The following SLC10A7 variants were observed in gnomAD, a reference collection of about 807,000 sequenced individuals.
The protein encoded by SLC10A7 is sodium/bile acid cotransporter 7.
In SLC10A7, 29 loss-of-function variants were observed where a neutral mutation model predicts 43.2. The ratio of observed to expected loss-of-function variants is 0.67; its 90% CI spans 0.50 to 0.92. The LOEUF (loss-of-function observed/expected upper bound fraction) is 0.92, where lower values mean the gene tolerates loss of function less well. SLC10A7 is among the 40% of genes least tolerant of loss of function. The pLI, the probability that SLC10A7 is intolerant of heterozygous loss-of-function variation, is 0.00. For synonymous variants in SLC10A7, 152 were observed against 144.8 expected (o/e 1.05, Z -0.35); for missense variants, 295 against 403.2 (o/e 0.73, Z 2.30).
At chr4:146,297,818 CAAT>C (rs1183814170) in intron 7 of SLC10A7, among the ~76,000 whole-genome samples, 1 of 152,076 alleles carries the variant, frequency 6.6e-6, no homozygotes, top group Non-Finnish European at 1.5e-5. Flanking sequence ...AAAACATAAA[CAAT>C]AATAATAAAT....
chr4:146,285,373 G>T lies in SLC10A7; in HGVS notation c.774-2108C>A, dbSNP rs1199640962. ...AAGAGACATGGAGATAGGATGAAAA[G>T]AATTTCTGTTAACTTCTGTGCAACA... is the stretch of plus-strand genomic sequence containing the variant. On this transcript the variant is annotated intron_variant, in intron 9 of 11. Coordinates refer to ENST00000335472, the MANE Select transcript of SLC10A7 (RefSeq NM_001029998.6). Among the ~76,000 whole-genome samples the T allele has an allele frequency of 2.0e-5, 3 of 152,184 alleles. No individual in the cohort carries two copies. In the East Asian group the frequency reaches 5.8e-4, roughly 29 times the overall value.
intron 5 of SLC10A7, among the ~76,000 whole-genome samples, chr4:146,414,085 G>A (rs554542182): frequency 1.3e-5 from 2 of 152,194 alleles, no homozygotes; most frequent in South Asian, 4.1e-4. Context: ...TGAAAGGGAT[G>A]GTGAAGTAGA....
At chr4:146,311,191 C>T (rs748787873) in intron 6 of SLC10A7, among the ~76,000 whole-genome samples, 3 of 152,030 alleles carry the variant, frequency 2.0e-5, no homozygotes, top group African/African-American at 7.2e-5. Flanking sequence ...TGTTATCAAC[C>T]CATTCAATCT....
chr4:146,274,835 T>C (rs1393255559), intron 10 of SLC10A7, among the ~76,000 whole-genome samples: 1 of 152,224 alleles, frequency 6.6e-6, no homozygotes, highest in East Asian at 1.9e-4. Flanking sequence ...TTCTTTTGGC[T>C]GATGATGGAA....
chr4:146,469,506 G>C (rs1250853490), intron 4 of SLC10A7, among the ~76,000 whole-genome samples: 1 of 152,160 alleles, frequency 6.6e-6, no homozygotes, highest in Non-Finnish European at 1.5e-5. Flanking sequence ...TCAGTAAACA[G>C]ACATGTGATG....
intron 5 of SLC10A7, among the ~76,000 whole-genome samples, chr4:146,394,581 C>T (rs189784554): frequency 7.2e-5 from 11 of 152,220 alleles, no homozygotes; most frequent in Admixed American, 3.9e-4. Context: ...AGGCTGTTCT[C>T]GAACTCCTGA....
intron 4 of SLC10A7, among the ~76,000 whole-genome samples, chr4:146,474,065 A>T: frequency 6.6e-6 from 1 of 152,146 alleles, no homozygotes; most frequent in South Asian, 2.1e-4. Context: ...ATATAAAGTA[A>T]ATATCCTCCT....
At chr4:146,283,305 A>G (rs1729667466) in intron 9 of SLC10A7, 40 bp from the exon 10 acceptor site, 1 of 1,542,926 alleles carries the variant, frequency 6.5e-7, no homozygotes, top group Non-Finnish European at 8.9e-7. Context: ...CTTTTATAAA[A>G]AGCCAATTTA....
At chr4:146,277,851 T>C (rs1032129840) in intron 10 of SLC10A7, among the ~76,000 whole-genome samples, 1 of 131,290 alleles carries the variant, frequency 7.6e-6, no homozygotes, top group Non-Finnish European at 1.6e-5. Flanking sequence ...TTTTATTTTA[T>C]TAATAATAAA....
chr4:146,501,029 C>T (rs939098911), intron 4 of SLC10A7, among the ~76,000 whole-genome samples: 2 of 152,178 alleles, frequency 1.3e-5, no homozygotes, highest in Non-Finnish European at 2.9e-5. Flanking sequence ...CCCTCTTTTT[C>T]CTGCCCTCAT....
At chr4:146,355,869 T>C (rs1463125896) in intron 5 of SLC10A7, among the ~76,000 whole-genome samples, 1 of 107,102 alleles carries the variant, frequency 9.3e-6, no homozygotes, top group Non-Finnish European at 1.7e-5. Context: ...AAGGGGAATA[T>C]CACACTCTGG....
At chr4:146,503,318 T>C (rs1049782408) in intron 4 of SLC10A7, among the ~76,000 whole-genome samples, 2 of 152,230 alleles carry the variant, frequency 1.3e-5, no homozygotes, top group African/African-American at 4.8e-5. Flanking sequence ...AGCTTCTGCA[T>C]TGGACAATTG....
At chr4:146,282,859 G>GT (rs1729635760) in intron 10 of SLC10A7, among the ~76,000 whole-genome samples, 1 of 152,092 alleles carries the variant, frequency 6.6e-6, no homozygotes, top group Admixed American at 6.6e-5. Context: ...CCAAAGCAAT[G>GT]TTTTTGCCAA....
At chr4:146,518,758 G>A (rs1738255373) in intron 1 of SLC10A7, among the ~76,000 whole-genome samples, 1 of 151,978 alleles carries the variant, frequency 6.6e-6, no homozygotes, top group African/African-American at 2.4e-5. Context: ...AGAGGTGGAG[G>A]CTGGAGTTAT....
chr4:146,490,654 T>G (rs548949233), intron 4 of SLC10A7, among the ~76,000 whole-genome samples: 6 of 152,294 alleles, frequency 3.9e-5, no homozygotes, highest in Admixed American at 1.3e-4. Context: ...TGAGAAACAC[T>G]ATTAAGCATA....
At chr4:146,345,586 T>C (rs987457112) in intron 5 of SLC10A7, among the ~76,000 whole-genome samples, 4 of 152,138 alleles carry the variant, frequency 2.6e-5, no homozygotes, top group African/African-American at 9.7e-5. Context: ...CTTTCTGCCA[T>C]TATAGATTCC....
intron 7 of SLC10A7, among the ~76,000 whole-genome samples, chr4:146,301,837 A>C (rs754738974): frequency 6.6e-6 from 1 of 152,176 alleles, no homozygotes; most frequent in Non-Finnish European, 1.5e-5. Context: ...AGGTAGATGC[A>C]AGCATATAGG....
chr4:146,456,489 C>A (rs1732062201), intron 4 of SLC10A7, among the ~76,000 whole-genome samples: 1 of 151,922 alleles, frequency 6.6e-6, no homozygotes, highest in African/African-American at 2.4e-5. Flanking sequence ...ACACTTTTGA[C>A]CAACTGGCTA....
intron 5 of SLC10A7, among the ~76,000 whole-genome samples, chr4:146,421,079 A>G (rs762736292): frequency 6.6e-6 from 1 of 152,066 alleles, no homozygotes; most frequent in South Asian, 2.1e-4. Context: ...TTGGGGTAAA[A>G]TACTCTCGAT....
Sources: gnomAD v4.1 joint callset for allele counts (sites outside exome capture counted in the v4.1 genomes callset) on GRCh38, gnomAD v4.1.1 for gene constraint, MANE v1.5 for transcripts, NCBI Gene and HGNC (gene_info 2026-07-23, HGNC 2026-07-21) for gene names.